YAP1: variants seen among roughly 807,000 people sequenced by gnomAD.
The protein encoded by YAP1 is transcriptional coactivator YAP1.
A neutral mutation model predicts 56.9 loss-of-function variants in YAP1; 5 were observed. The ratio of observed to expected loss-of-function variants is 0.09; its 90% CI spans 0.05 to 0.18. The LOEUF is 0.18. YAP1 is among the 10% of genes least tolerant of loss of function. YAP1 has a pLI of 1.00. For synonymous variants in YAP1, 265 were observed against 248.1 expected, an observed-to-expected ratio of 1.07 and a Z score of -0.64; for missense variants, 539 against 651.8, an observed-to-expected ratio of 0.83 and a Z score of 1.88.
At chr11:102,132,529 T>C (rs554342028) in intron 2 of YAP1, among the ~76,000 whole-genome samples, 1 of 152,374 alleles carries the variant, frequency 6.6e-6, no homozygotes, top group Non-Finnish European at 1.5e-5. Flanking sequence ...GTGAGGACTA[T>C]GCATTACACA....
intron 4 of YAP1, among the ~76,000 whole-genome samples, chr11:102,202,334 ATTTT>A (rs34528413): frequency 7.6e-6 from 1 of 131,008 alleles, no homozygotes; most frequent in African/African-American, 2.9e-5. Flanking sequence ...CACCTGGCTA[ATTTT>A]TTTTTTTTTT....
chr11:102,215,332 C>T (rs1451986083), intron 6 of YAP1, among the ~76,000 whole-genome samples: 1 of 152,106 alleles, frequency 6.6e-6, no homozygotes, highest in Non-Finnish European at 1.5e-5. Context: ...TGATTACCAC[C>T]CTCCCTGCAA....
chr11:102,174,367 C>T (rs1417501714), intron 3 of YAP1, among the ~76,000 whole-genome samples: 2 of 151,958 alleles, frequency 1.3e-5, no homozygotes, highest in African/African-American at 2.4e-5. Context: ...GGGAGGCCAA[C>T]GCGGGCAGAT....
At chr11:102,177,675 CAAAAAAAA>C (rs1022433513) in intron 3 of YAP1, among the ~76,000 whole-genome samples, 1 of 54,994 alleles carries the variant, frequency 1.8e-5, no homozygotes, top group East Asian at 4.7e-4. Context: ...GACTCGGTCT[CAAAAAAAA>C]AAAAAAAAAA....
At chr11:102,127,214 C>T (rs181482874) in intron 2 of YAP1, among the ~76,000 whole-genome samples, 2 of 152,304 alleles carry the variant, frequency 1.3e-5, no homozygotes, top group East Asian at 3.9e-4. Context: ...TAATGTTAAT[C>T]CCCAAGACCA....
At chr11:102,225,729 G>A (rs1950163511) in intron 7 of YAP1, among the ~76,000 whole-genome samples, 1 of 152,080 alleles carries the variant, frequency 6.6e-6, no homozygotes, top group Non-Finnish European at 1.5e-5. Flanking sequence ...TGAAAGCACT[G>A]TGCTTACATC....
At chr11:102,191,760 G>A (rs1019171014) in intron 4 of YAP1, among the ~76,000 whole-genome samples, 2 of 151,970 alleles carry the variant, frequency 1.3e-5, no homozygotes, top group African/African-American at 2.4e-5. Context: ...TCAGTTCACT[G>A]CAGCCTTAAT....
intron 3 of YAP1, among the ~76,000 whole-genome samples, chr11:102,183,496 C>T (rs553493915): frequency 6.7e-4 from 102 of 152,170 alleles, no homozygotes; most frequent in Middle Eastern, 6.8e-3. Context: ...GATGACAAGC[C>T]AGTTACTGAG....
chr11:102,118,970 C>T (rs960811195), intron 2 of YAP1, among the ~76,000 whole-genome samples: 6 of 151,882 alleles, frequency 4.0e-5, no homozygotes, highest in African/African-American at 1.5e-4. Flanking sequence ...TGTAATTTTG[C>T]CATTAAATGT....
chr11:102,153,592 A>G (rs1312131787), intron 2 of YAP1, among the ~76,000 whole-genome samples: 1 of 152,172 alleles, frequency 6.6e-6, no homozygotes, highest in Non-Finnish European at 1.5e-5. Context: ...TGGATAACCA[A>G]ATTGAGTTCC....
At chr11:102,143,545 A>C (rs1409490246) in intron 2 of YAP1, among the ~76,000 whole-genome samples, 1 of 152,108 alleles carries the variant, frequency 6.6e-6, no homozygotes, top group Non-Finnish European at 1.5e-5. Flanking sequence ...ATCTGCCCCA[A>C]CCCTCAAGTT....
At chr11:102,182,476 T>C (rs1259382897) in intron 3 of YAP1, among the ~76,000 whole-genome samples, 2 of 152,190 alleles carry the variant, frequency 1.3e-5, no homozygotes, top group Non-Finnish European at 2.9e-5. Context: ...AGAAAACATA[T>C]CACTTTTTGC....
At chr11:102,186,222 C>T in intron 4 of YAP1, 91 bp downstream of exon 4, 1 of 1,403,950 alleles carries the variant, frequency 7.1e-7, no homozygotes, top group Non-Finnish European at 9.7e-7. Flanking sequence ...AATAAAATCG[C>T]ATTGCTTTAT....
At chr11:102,212,133 C>T (rs761398355) in intron 6 of YAP1, among the ~76,000 whole-genome samples, 3 of 152,196 alleles carry the variant, frequency 2.0e-5, no homozygotes, top group Non-Finnish European at 2.9e-5. Context: ...GAACACTAGA[C>T]GCTGTTGTAA....
chr11:102,130,489 A>C (rs1291632997), intron 2 of YAP1, among the ~76,000 whole-genome samples: 3 of 151,864 alleles, frequency 2.0e-5, no homozygotes, highest in Non-Finnish European at 4.4e-5. Context: ...CTGTAGCCTC[A>C]ATCCTCTGGA....
At chr11:102,228,662 G>A (rs760777395) in intron 8 of YAP1, among the ~76,000 whole-genome samples, 3,498 of 77,602 alleles carry the variant, frequency 0.045, no homozygotes, top group Non-Finnish European at 0.061. Flanking sequence ...AAAAAAAAAA[G>A]AATAGTTGCA....
chr11:102,110,897 G>A lies in YAP1; in HGVS notation c.49G>A (p.Gly17Arg), dbSNP rs765528842. Residue 17 changes from glycine (G) to arginine (R), a missense_variant, in exon 1 of 9, where the codon GGG (glycine) becomes AGG (arginine). Gly to Arg is a moderately radical substitution (Grantham distance 125). This residue lies in a region of YAP1 where 106 missense variants were observed against 86.6 expected (regional missense o/e 1.22). Transcript: ENST00000282441. ...GCCTCAACCGGCCCCCCAGGGCCAAGGGCAGCCGCCTTCGCAGCCCCCGCA... is the reference window on the plus strand; with the variant it reads ...GCCTCAACCGGCCCCCCAGGGCCAAAGGCAGCCGCCTTCGCAGCCCCCGCA... ...PPPQPAPQGQ[G>R]QPPSQPPQGQ... The A allele has an allele frequency of 3.5e-6, 5 of 1,435,756 alleles. 1 individual carries two copies. The South Asian group carries it at 4.2e-5, about 12-fold the overall frequency. The allele number at this position is 1,435,756 out of a possible 1,614,324, so 88.9% of individuals were successfully genotyped here. A position where few individuals can be genotyped will look rare whatever the true frequency, so the allele number is the denominator to read the frequency against.
intron 5 of YAP1, among the ~76,000 whole-genome samples, chr11:102,206,968 A>G (rs1411384366): frequency 6.6e-6 from 1 of 152,140 alleles, no homozygotes; most frequent in Non-Finnish European, 1.5e-5. Flanking sequence ...TTAATCACCA[A>G]TTCCATCAGC....
chr11:102,110,958 C>A lies in YAP1; in HGVS notation c.110C>A (p.Ala37Glu), dbSNP rs1055466774. 2.1e-5 allele frequency: 31 copies of A among 1,511,018 alleles called. No individual in the cohort carries two copies. Among genetic ancestry groups the A allele is most frequent in the Non-Finnish European group, 2.7e-5 (30 of 1,131,336 alleles). The allele number at this position is 1,511,018 out of a possible 1,614,324, so 93.6% of individuals were successfully genotyped here. Residue 37 changes from alanine to glutamate, a missense_variant, in exon 1 of 9, where the codon GCA (alanine) becomes GAA (glutamate). Ala to Glu is a moderately radical substitution (Grantham distance 107, BLOSUM62 -1). Transcript: ENST00000282441. ...CCGCCGTCCGGACCCGGGCAACCGG[C>A]ACCCGCGGCGACCCAGGCGGCGCCG... ...QGPPSGPGQPAPAATQAAPQA... is the reference protein window; with the variant it reads ...QGPPSGPGQPEPAATQAAPQA...
Sources: allele counts gnomAD v4.1 joint callset (sites outside exome capture counted in the v4.1 genomes callset), GRCh38; gene constraint gnomAD v4.1.1; regional missense constraint gnomAD v4.1.1; transcripts MANE v1.5; gene names NCBI Gene and HGNC (gene_info 2026-07-23, HGNC 2026-07-21).